NECTIN2: variants seen among roughly 807,000 people sequenced by gnomAD.
NECTIN2 encodes the protein nectin-2.
In NECTIN2, 23 loss-of-function variants were observed where a neutral mutation model predicts 56.9. That is an observed-to-expected ratio of 0.40 (90% CI 0.29 to 0.57). The LOEUF (loss-of-function observed/expected upper bound fraction) is 0.57. Among genes scored for constraint, NECTIN2 ranks in the 20% least tolerant of loss-of-function variants. The pLI, the probability that NECTIN2 is intolerant of heterozygous loss-of-function variation, is 0.38. For missense variants in NECTIN2, 587 were observed against 718.3 expected (o/e 0.82, Z 2.09); for synonymous variants, 302 against 313.8 (o/e 0.96, Z 0.40).
In NECTIN2 at chr19:44,846,371, C is replaced by A; in HGVS notation, c.-155C>A. ...GCCGAGCCGGGCGGGGAGAGCTGGG[C>A]CGGGAGAGCAGAACAGGGAGGCTAG... is the stretch of plus-strand genomic sequence containing the variant. On this transcript the variant is annotated 5_prime_UTR_variant, in exon 1 of 9. Coordinates refer to ENST00000252483, the MANE Select transcript of NECTIN2 (RefSeq NM_001042724.2). 1.0e-6 allele frequency: 1 copy of A among 961,766 alleles called. No individual in the cohort carries two copies. Among genetic ancestry groups the A allele is most frequent in the Non-Finnish European group, 1.4e-6 (1 of 711,072 alleles). The allele number at this position is 961,766 out of a possible 1,614,324, so 59.6% of individuals were successfully genotyped here.
At chr19:44,869,924 G>A (rs1485105248) in intron 2 of NECTIN2, among the ~76,000 whole-genome samples, 1 of 151,978 alleles carries the variant, frequency 6.6e-6, no homozygotes, top group East Asian at 1.9e-4. Flanking sequence ...CTGCATCCTG[G>A]GTGACAGCAA....
chr19:44,852,038 C>T (rs1968905231), intron 1 of NECTIN2, among the ~76,000 whole-genome samples: 2 of 152,162 alleles, frequency 1.3e-5, no homozygotes, highest in South Asian at 2.1e-4. Flanking sequence ...CGCCATCCTC[C>T]GTCCCCACAG....
chr19:44,860,407 G>C (rs914462530), intron 1 of NECTIN2, among the ~76,000 whole-genome samples: 12 of 152,084 alleles, frequency 7.9e-5, no homozygotes, highest in African/African-American at 2.9e-4. Flanking sequence ...CAGCTACTTG[G>C]GGGGCTGAGG....
intron 7 of NECTIN2, 22 bp from the exon 8 acceptor site, chr19:44,886,111 C>T (rs1436260726): frequency 2.5e-6 from 4 of 1,597,368 alleles, no homozygotes; most frequent in African/African-American, 1.3e-5. Context: ...TTCCTGACCT[C>T]CCCGCCCCTC....
chr19:44,886,654 C>T lies in NECTIN2; in HGVS notation c.1347+435C>T, dbSNP rs145128387. ...GAAGAATCGCCTGAACCCAGGAGGCCGAGGTTACAGTGAGCTAAGATCACA... is the reference window on the plus strand; with the variant it reads ...GAAGAATCGCCTGAACCCAGGAGGCTGAGGTTACAGTGAGCTAAGATCACA... On this transcript the variant is annotated intron_variant, in intron 8 of 8. Transcript: ENST00000252483. 2.6e-3 allele frequency among the ~76,000 whole-genome samples: 390 copies of T among 152,074 alleles called. 2 individuals are homozygous for T. The highest frequency in any genetic ancestry group is 8.6e-3 in the African/African-American group (358 of 41,474).
intron 5 of NECTIN2, among the ~76,000 whole-genome samples, chr19:44,879,164 C>G (rs1969279437): frequency 6.6e-6 from 1 of 152,084 alleles, no homozygotes; most frequent in African/African-American, 2.4e-5. Flanking sequence ...AACTAGGATT[C>G]AGGTCACTGG....
intron 1 of NECTIN2, among the ~76,000 whole-genome samples, chr19:44,860,607 TA>T (rs947929936): frequency 2.6e-5 from 4 of 151,806 alleles, no homozygotes; most frequent in Non-Finnish European, 2.9e-5. Flanking sequence ...TACTTTTTTA[TA>T]AAAAAATTAT....
chr19:44,874,317 C>T lies in NECTIN2; in HGVS notation c.894-13C>T. On this transcript the variant is annotated splice_polypyrimidine_tract_variant and intron_variant, in intron 4 of 8. Coordinates refer to ENST00000252483, the MANE Select transcript of NECTIN2 (RefSeq NM_001042724.2). This position sits in a 1 kb window ranked among gnomAD's most constrained non-coding sequence, Gnocchi z 6.3. ...CCTTGGTATCCCTCTCACCTGACCC[C>T]ACACCCCTCCAGGACCTCAGGCACC... The T allele has an allele frequency of 6.2e-7, 1 of 1,613,664 alleles. No individual in the cohort carries two copies.
At chr19:44,881,919 G>A in intron 5 of NECTIN2, 1 of 267,062 alleles carries the variant, frequency 3.7e-6, no homozygotes, top group Non-Finnish European at 7.0e-6. Flanking sequence ...CTCCCATCTG[G>A]CATGTGAGCT....
At chr19:44,878,119 C>T in intron 5 of NECTIN2, 1 of 603,308 alleles carries the variant, frequency 1.7e-6, no homozygotes, top group Non-Finnish European at 3.0e-6. Context: ...CCCTCCATCC[C>T]CGCCTATCCT....
chr19:44,887,279 G>A (rs1418017107), intron 8 of NECTIN2, among the ~76,000 whole-genome samples: 1 of 151,784 alleles, frequency 6.6e-6, no homozygotes, highest in Admixed American at 6.6e-5. Context: ...GACCCAGGAG[G>A]CAGAAGTTGC....
intron 1 of NECTIN2, among the ~76,000 whole-genome samples, chr19:44,850,011 C>G (rs2122624178): frequency 6.6e-6 from 1 of 152,240 alleles, no homozygotes; most frequent in South Asian, 2.1e-4. Flanking sequence ...AGGCACAGAG[C>G]AGAGACCAGA....
chr19:44,879,872 AGCTGTG>A (rs1269109920), intron 5 of NECTIN2, among the ~76,000 whole-genome samples: 1 of 152,184 alleles, frequency 6.6e-6, no homozygotes, highest in African/African-American at 2.4e-5. Context: ...CTGGGGCTGC[AGCTGTG>A]GCCTGCACAG....
chr19:44,848,549 C>T lies in NECTIN2; in HGVS notation c.88+1936C>T, dbSNP rs190142536. ...GAAGGCTCCCAGGCCCCACTGATTC[C>T]CTGTGAAACCTCTTAGCCCCTGGAG... On this transcript the variant is annotated intron_variant, in intron 1 of 8. Coordinates refer to ENST00000252483, the MANE Select transcript of NECTIN2 (RefSeq NM_001042724.2). Among the ~76,000 whole-genome samples, 386 of 152,236 alleles carry T rather than the reference C, an allele frequency of 2.5e-3. 2 individuals carry two copies. The highest frequency in any genetic ancestry group is 3.7e-3 in the South Asian group (18 of 4,822).
Position 44,888,192 on chromosome 19 carries a change from C to G in NECTIN2, c.1430C>G (p.Pro477Arg), listed in dbSNP as rs779925487. 5 of 1,614,160 alleles carry G rather than the reference C, an allele frequency of 3.1e-6. No homozygotes were observed. The highest frequency in any genetic ancestry group is 1.3e-5 in the African/African-American group (1 of 75,016). ...LHPGATSLGS[P>R]IPVPPGPPAV... ...CCTGGAGCCACAAGCCTGGGGTCCC[C>G]CATCCCGGTGCCTCCAGGGCCACCT... The change falls in exon 9 of 9, where the codon CCC becomes CGC. Residue 477 changes from proline to arginine, a missense_variant. Pro to Arg is a moderately radical substitution (Grantham distance 103). Transcript: ENST00000252483.
At position 44,865,428 on chromosome 19, in the gene NECTIN2, G is replaced by A; in HGVS notation, c.246G>A (p.Val82=). Residue 82 remains valine (V), a synonymous_variant, in exon 2 of 9, where the codon GTG becomes GTA. Coordinates refer to ENST00000252483, the MANE Select transcript of NECTIN2 (RefSeq NM_001042724.2). This position sits in a 1 kb window ranked among gnomAD's most constrained non-coding sequence, Gnocchi z 5.2. ...RPDAPANHQN[V]AAFHPKMGPS... ...ATGCACCTGCGAACCACCAGAATGT[G>A]GCCGCCTTCCACCCTAAGATGGGTC... is the stretch of plus-strand genomic sequence containing the variant. The A allele has an allele frequency of 6.2e-7, 1 of 1,614,170 alleles. No homozygotes were observed. The highest frequency in any genetic ancestry group is 1.1e-5 in the South Asian group (1 of 91,084).
intron 1 of NECTIN2, among the ~76,000 whole-genome samples, chr19:44,856,966 G>A (rs1256966368): frequency 2.0e-5 from 3 of 152,178 alleles, no homozygotes; most frequent in Non-Finnish European, 4.4e-5. Flanking sequence ...GCCACGCCCC[G>A]TGAACATCCC....
At position 44,865,360 on chromosome 19, in the gene NECTIN2, G is replaced by C; in HGVS notation, c.178G>C (p.Val60Leu). 6.2e-7 allele frequency: 1 copy of C among 1,614,190 alleles called. No individual in the cohort carries two copies. The change falls in exon 2 of 9, where the codon GTT becomes CTT. Residue 60 changes from valine (V) to leucine (L), a missense_variant. By Grantham distance (32) the Val-to-Leu change is conservative. Transcript: ENST00000252483. The surrounding 1 kb of genome is among the most constrained non-coding windows in gnomAD (Gnocchi z 5.2). ...VELPCHLLPPVPGLYISLVTW... is the reference protein window; with the variant it reads ...VELPCHLLPPLPGLYISLVTW... ...GCTGCCGTGCCACCTGCTGCCACCT[G>C]TTCCTGGACTGTACATCTCCCTGGT...
rs557122262 is a variant in NECTIN2 at position 44,883,145 on chromosome 19, G to C, written c.1196+781G>C. ...TATGGAGAATTTACATTAAAATAAC[G>C]TAAGCTATTGATTGGCTATCCATTG... On this transcript the variant is annotated intron_variant, in intron 6 of 8. Coordinates refer to ENST00000252483, the MANE Select transcript of NECTIN2 (RefSeq NM_001042724.2). Among the ~76,000 whole-genome samples, 3 of 152,270 alleles carry C rather than the reference G, an allele frequency of 2.0e-5. No individual in the cohort carries two copies. In the East Asian group the frequency reaches 5.8e-4, roughly 29 times the overall value.
Sources: allele counts gnomAD v4.1 joint callset (sites outside exome capture counted in the v4.1 genomes callset), GRCh38; gene constraint gnomAD v4.1.1; non-coding constraint Gnocchi (gnomAD v3.1); transcripts MANE v1.5; gene names NCBI Gene and HGNC (gene_info 2026-07-23, HGNC 2026-07-21).